Variants in FRMD5 observed in about 807,000 individuals in gnomAD.
The protein encoded by FRMD5 is FERM domain-containing protein 5.
In FRMD5, 20 loss-of-function variants were observed where a neutral mutation model predicts 69.0. The ratio of observed to expected loss-of-function variants is 0.29; its 90% confidence interval spans 0.20 to 0.42. FRMD5 has a LOEUF of 0.42. Among genes scored for constraint, FRMD5 ranks in the 10% least tolerant of loss-of-function variants. FRMD5 has a pLI of 1.00. For synonymous variants in FRMD5, 271 were observed against 260.1 expected, an observed-to-expected ratio of 1.04 and a Z score of -0.40; for missense variants, 595 against 708.6, an observed-to-expected ratio of 0.84 and a Z score of 1.82.
chr15:44,185,846 T>C (rs2078091520), intron 1 of FRMD5, among the ~76,000 whole-genome samples: 1 of 152,058 alleles, frequency 6.6e-6, no homozygotes, highest in Non-Finnish European at 1.5e-5. Context: ...GCAGGCTAGA[T>C]GCTTTCTCCA....
intron 1 of FRMD5, among the ~76,000 whole-genome samples, chr15:44,123,226 T>C (rs1595491117): frequency 6.6e-6 from 1 of 151,602 alleles, no homozygotes; most frequent in South Asian, 2.1e-4. Context: ...GCACCAATAA[T>C]CTCAGTTACT....
chr15:44,126,767 C>G (rs1440180384), intron 1 of FRMD5, among the ~76,000 whole-genome samples: 1 of 152,142 alleles, frequency 6.6e-6, no homozygotes, highest in Non-Finnish European at 1.5e-5. Context: ...TTATGTTCCT[C>G]CCACTCTCAG....
chr15:44,100,392 A>G (rs1403148759), intron 1 of FRMD5, among the ~76,000 whole-genome samples: 1 of 151,414 alleles, frequency 6.6e-6, no homozygotes, highest in Non-Finnish European at 1.5e-5. Context: ...TTGCATCCCA[A>G]CTCTCCACAT....
intron 1 of FRMD5, among the ~76,000 whole-genome samples, chr15:44,112,086 G>A (rs1435841173): frequency 1.2e-4 from 18 of 152,042 alleles, no homozygotes; most frequent in Admixed American, 4.6e-4. Context: ...CTCGTGATCC[G>A]CCCACCTCGG....
At chr15:44,035,921 G>C (rs1387351830) in intron 1 of FRMD5, among the ~76,000 whole-genome samples, 1 of 152,086 alleles carries the variant, frequency 6.6e-6, no homozygotes, top group Non-Finnish European at 1.5e-5. Context: ...CAACTAACTA[G>C]AATGACTAAA....
At chr15:43,940,164 G>A (rs987894763) in intron 1 of FRMD5, among the ~76,000 whole-genome samples, 15 of 152,112 alleles carry the variant, frequency 9.9e-5, no homozygotes, top group Admixed American at 1.3e-4. Context: ...GGGCGACAGG[G>A]CAAAACTCTG....
In FRMD5 at chr15:43,873,018, T is replaced by C. The variant is rs577744953; in HGVS notation, c.*867A>G. ...TTGTCCAACATTTCTGACAGAACTA[T>C]CTATCTCTGGTACCACTGAATTCGT... is the stretch of plus-strand genomic sequence containing the variant. On this transcript the variant is annotated 3_prime_UTR_variant, in exon 14 of 14. Transcript: ENST00000417257. The C allele has an allele frequency of 1.1e-5, 7 of 638,550 alleles. No homozygotes were observed. In the East Asian group the frequency reaches 1.9e-4, roughly 18 times the overall value. The allele number at this position is 638,550 out of a possible 1,614,324, so 39.6% of individuals were successfully genotyped here.
chr15:44,154,914 A>C (rs139300603), intron 1 of FRMD5, among the ~76,000 whole-genome samples: 71 of 152,282 alleles, frequency 4.7e-4, no homozygotes, highest in African/African-American at 1.6e-3. Flanking sequence ...TAAATGGGTG[A>C]ATTGTAGGAC....
At chr15:44,138,171 G>A (rs868516670) in intron 1 of FRMD5, among the ~76,000 whole-genome samples, 14 of 151,924 alleles carry the variant, frequency 9.2e-5, no homozygotes, top group Admixed American at 2.6e-4. Context: ...TTAACACCAC[G>A]ATTACCAATA....
At chr15:43,878,549 C>T (rs1056686890) in intron 13 of FRMD5, among the ~76,000 whole-genome samples, 1 of 152,228 alleles carries the variant, frequency 6.6e-6, no homozygotes, top group Non-Finnish European at 1.5e-5. Context: ...CCCATTTGCA[C>T]ATGCAGCTTG....
At chr15:43,965,375 G>T (rs532927625) in intron 1 of FRMD5, among the ~76,000 whole-genome samples, 14 of 152,156 alleles carry the variant, frequency 9.2e-5, no homozygotes, top group South Asian at 2.1e-4. Context: ...ACTTTGCAAA[G>T]CAAGTCTTAT....
chr15:43,905,729 C>G (rs1049395375), intron 6 of FRMD5, 99 bp downstream of exon 6: 2 of 1,455,818 alleles, frequency 1.4e-6, no homozygotes, highest in Admixed American at 1.8e-5. Context: ...CACTCTGTGT[C>G]AGTAAACAGT....
intron 12 of FRMD5, among the ~76,000 whole-genome samples, chr15:43,884,251 C>A (rs1223806758): frequency 8.5e-5 from 13 of 152,184 alleles, no homozygotes; most frequent in Non-Finnish European, 1.8e-4. Context: ...GTTGGCAAAT[C>A]CTACCCTTCT....
intron 6 of FRMD5, among the ~76,000 whole-genome samples, chr15:43,904,128 G>T (rs76432245): frequency 1.7e-4 from 26 of 152,280 alleles, no homozygotes; most frequent in African/African-American, 6.3e-4. Context: ...ATGGGCAGAG[G>T]GGTCTGTTTA....
chr15:44,161,541 T>TA (rs1400888415), intron 1 of FRMD5, among the ~76,000 whole-genome samples: 1 of 152,226 alleles, frequency 6.6e-6, no homozygotes, highest in Non-Finnish European at 1.5e-5. Flanking sequence ...TAAGGTTATG[T>TA]ATAATTTTCC....
At chr15:43,924,971 T>C (rs920339) in intron 1 of FRMD5, among the ~76,000 whole-genome samples, 41,040 of 150,638 alleles carry the variant, frequency 0.27, 10,538 homozygotes, top group African/African-American at 0.68. Context: ...TTCCTCTCCC[T>C]AGAAGCAACT....
At chr15:44,155,377 G>A (rs750873938) in intron 1 of FRMD5, among the ~76,000 whole-genome samples, 4 of 147,534 alleles carry the variant, frequency 2.7e-5, no homozygotes, top group Non-Finnish European at 6.0e-5. Context: ...GGTTGCAGTG[G>A]GCCGAGATCA....
At chr15:44,133,530 C>T (rs543159664) in intron 1 of FRMD5, among the ~76,000 whole-genome samples, 1 of 142,256 alleles carries the variant, frequency 7.0e-6, no homozygotes, top group Non-Finnish European at 1.5e-5. Context: ...GAGCTGAGAT[C>T]GCACCACTGC....
At chr15:44,036,880 T>G (rs1891937570) in intron 1 of FRMD5, among the ~76,000 whole-genome samples, 1 of 152,212 alleles carries the variant, frequency 6.6e-6, no homozygotes, top group East Asian at 1.9e-4. Flanking sequence ...ACTTGGTCAC[T>G]AAAAGGTTCT....
Sources: allele counts gnomAD v4.1 joint callset (sites outside exome capture counted in the v4.1 genomes callset), GRCh38; gene constraint gnomAD v4.1.1; transcripts MANE v1.5; gene names NCBI Gene and HGNC (gene_info 2026-07-23, HGNC 2026-07-21).